The following SMC5 variants were observed in gnomAD, a reference collection of about 807,000 sequenced individuals.
The protein encoded by SMC5 is structural maintenance of chromosomes protein 5.
SMC5 carries 88 observed loss-of-function variants against 148.3 expected under a neutral mutation model. That is an observed-to-expected ratio of 0.59 (90% confidence interval 0.50 to 0.71). The LOEUF (loss-of-function observed/expected upper bound fraction) is 0.71, where lower values mean the gene tolerates loss of function less well. Among genes scored for constraint, SMC5 ranks in the 30% least tolerant of loss-of-function variants. The pLI, the probability that SMC5 is intolerant of heterozygous loss-of-function variation, is 0.00. For synonymous variants in SMC5, 421 were observed against 432.8 expected, an observed-to-expected ratio of 0.97 and a Z score of 0.34; for missense variants, 1,142 against 1,298.9, an observed-to-expected ratio of 0.88 and a Z score of 1.86.
chr9:70,259,329 G>A, intron 1 of SMC5, 66 bp downstream of exon 1: 2 of 1,470,648 alleles, frequency 1.4e-6, no homozygotes, highest in Non-Finnish European at 9.1e-7. Context: ...CGGGGCTCCG[G>A]CAGCGCGCGG....
rs1245214524 is a variant in SMC5, at chr9:70,271,247, TTATTA to T, written c.380+3276_380+3280del. Among the ~76,000 whole-genome samples the T allele has an allele frequency of 2.6e-5, 4 of 152,162 alleles. No individual in the cohort carries two copies. The East Asian group carries it at 5.8e-4, about 22-fold the overall frequency. The stretch of plus-strand genomic sequence containing the variant: ...TTCAAATTGAGCTGTGATAATTATC[TTATTA>T]TATAACTTTAAAAAAGTTAATTTTT... On this transcript the variant is annotated intron_variant, in intron 3 of 24. Coordinates refer to ENST00000361138, the MANE Select transcript of SMC5 (RefSeq NM_015110.4).
intron 11 of SMC5, among the ~76,000 whole-genome samples, chr9:70,307,596 A>T (rs548102806): frequency 6.6e-6 from 1 of 151,712 alleles, no homozygotes; most frequent in African/African-American, 2.4e-5. Context: ...TCCGCTTCCC[A>T]GGTTCAAGCA....
chr9:70,259,414 C>G, intron 1 of SMC5, 151 bp downstream of exon 1: 1 of 779,324 alleles, frequency 1.3e-6, no homozygotes, highest in Non-Finnish European at 2.0e-6. Flanking sequence ...TGAGGATTTT[C>G]CTACGTAGGC....
chr9:70,346,497 T>G, intron 18 of SMC5, 108 bp from the exon 19 acceptor site: 2 of 1,067,420 alleles, frequency 1.9e-6, no homozygotes, highest in Non-Finnish European at 1.4e-6. Flanking sequence ...GTCAAAGTAA[T>G]TAGATTCTCA....
chr9:70,305,186 A>G, intron 10 of SMC5, 61 bp from the exon 11 acceptor site: 1 of 717,384 alleles, frequency 1.4e-6, no homozygotes, highest in Non-Finnish European at 2.4e-6. Flanking sequence ...TTTAATATAA[A>G]CATGTTTTAA....
chr9:70,264,665 G>A (rs1014208492), intron 2 of SMC5, among the ~76,000 whole-genome samples: 2 of 152,150 alleles, frequency 1.3e-5, no homozygotes, highest in Non-Finnish European at 2.9e-5. Context: ...CACCTAAAAT[G>A]CTAGAAATAA....
intron 2 of SMC5, among the ~76,000 whole-genome samples, chr9:70,265,254 T>A (rs1194411328): frequency 6.6e-6 from 1 of 151,906 alleles, no homozygotes; most frequent in Non-Finnish European, 1.5e-5. Context: ...TGATCAGGAG[T>A]TCCAGACCAG....
At chr9:70,273,154 G>A (rs2034496404) in intron 3 of SMC5, among the ~76,000 whole-genome samples, 2 of 148,754 alleles carry the variant, frequency 1.3e-5, no homozygotes, top group South Asian at 4.2e-4. Flanking sequence ...AATCTGATGT[G>A]TGTTATAGGG....
rs1305150033 is a variant in SMC5, at chr9:70,286,229, A to T, written c.1011A>T (p.Lys337Asn). The change falls in exon 8 of 25, where the codon AAA (lysine) becomes AAT (asparagine). Residue 337 changes from lysine (K) to asparagine (N), a missense_variant. Lys to Asn is a moderately conservative substitution (Grantham distance 94). Around this residue, in one of 5 missense-constraint regions of SMC5, gnomAD observed 743 missense variants for 835.7 expected, o/e 0.89. Coordinates refer to ENST00000361138, the MANE Select transcript of SMC5 (RefSeq NM_015110.4). ...KATDIKEASQ[K>N]CKQKQDVIER... ...CAGATATTAAGGAGGCATCTCAAAA[A>T]TGCAAACAGAAGCAAGATGTTATAG... 4 of 1,606,104 alleles carry T rather than the reference A, an allele frequency of 2.5e-6. No individual in the cohort carries two copies. Among genetic ancestry groups the T allele is most frequent in the African/African-American group, 1.3e-5 (1 of 74,410 alleles).
Position 70,280,775 on chromosome 9 carries a change from A to C in SMC5, c.695A>C (p.Lys232Thr), listed in dbSNP as rs750984226. 6.2e-7 allele frequency: 1 copy of C among 1,612,648 alleles called. No individual in the cohort carries two copies. Among genetic ancestry groups the C allele is most frequent in the Non-Finnish European group, 8.5e-7 (1 of 1,179,644 alleles). The change falls in exon 6 of 25, where the codon AAA (lysine) becomes ACA (threonine). Residue 232 changes from lysine (K) to threonine (T), a missense_variant. Physicochemically the swap from Lys to Thr is moderately conservative, Grantham distance 78. Transcript: ENST00000361138. ...EKQLETSCKE[K>T]TEYLQKMVQR... ...TTATTGTAGACCTCATGCAAAGAGA[A>C]AACTGAGTATCTACAGAAAATGGTT... is the stretch of plus-strand genomic sequence containing the variant.
intron 1 of SMC5, among the ~76,000 whole-genome samples, chr9:70,262,180 A>G (rs1422086396): frequency 6.6e-6 from 1 of 152,162 alleles, no homozygotes; most frequent in Non-Finnish European, 1.5e-5. Flanking sequence ...AGTCAAATGG[A>G]GTTGGGAGTG....
At position 70,259,198 on chromosome 9, in the gene SMC5, G is replaced by C. The variant is rs532985681; in HGVS notation, c.120G>C (p.Pro40=). Residue 40 remains proline, a synonymous_variant, in exon 1 of 25, where the codon CCG becomes CCC. Transcript: ENST00000361138. ...SKRKNSAPQL[P]LLQSSGPFVE... is the part of the protein sequence containing the mutation. ...GGAAGAATTCGGCCCCGCAGCTGCCGCTGTTGCAGTCGTCCGGGCCTTTCG... is the reference window on the plus strand; with the variant it reads ...GGAAGAATTCGGCCCCGCAGCTGCCCCTGTTGCAGTCGTCCGGGCCTTTCG... 2 of 1,608,984 alleles carry C rather than the reference G, an allele frequency of 1.2e-6. No individual in the cohort carries two copies. The highest frequency in any genetic ancestry group is 1.1e-5 in the South Asian group (1 of 90,068).
intron 3 of SMC5, among the ~76,000 whole-genome samples, chr9:70,271,253 T>A (rs1333914025): frequency 6.6e-6 from 1 of 152,180 alleles, no homozygotes; most frequent in Non-Finnish European, 1.5e-5. Context: ...TATCTTATTA[T>A]ATAACTTTAA....
At position 70,300,151 on chromosome 9, in the gene SMC5, A is replaced by G. The variant is rs748761978; in HGVS notation, c.1415A>G (p.Asn472Ser). The stretch of plus-strand genomic sequence containing the variant: ...TATGATGCTGTTTTATGGCTAAGAA[A>G]TAACAGAGACAAATTTAAACAAAGA... ...DTYDAVLWLR[N>S]NRDKFKQRVC... is the part of the protein sequence containing the mutation. The change falls in exon 10 of 25, where the codon AAT (asparagine) becomes AGT (serine). Residue 472 changes from asparagine (N) to serine (S), a missense_variant. By Grantham distance (46) the Asn-to-Ser change is conservative. This residue lies in a region of SMC5 where 743 missense variants were observed against 835.7 expected (regional missense o/e 0.89). Transcript: ENST00000361138. 1.2e-6 allele frequency: 2 copies of G among 1,603,026 alleles called. No individual in the cohort carries two copies. Among genetic ancestry groups the G allele is most frequent in the African/African-American group, 1.3e-5 (1 of 74,296 alleles).
At chr9:70,269,253 G>A (rs184429555) in intron 3 of SMC5, among the ~76,000 whole-genome samples, 20 of 152,220 alleles carry the variant, frequency 1.3e-4, no homozygotes, top group African/African-American at 3.4e-4. Flanking sequence ...ATGGAGGTGC[G>A]TGATACGTTC....
chr9:70,284,422 T>C (rs1331295873), intron 7 of SMC5, among the ~76,000 whole-genome samples: 2 of 152,212 alleles, frequency 1.3e-5, no homozygotes, highest in East Asian at 3.8e-4. Flanking sequence ...CTCAAGGATA[T>C]GAAACTAATA....
intron 8 of SMC5, among the ~76,000 whole-genome samples, chr9:70,297,370 A>G (rs1354609619): frequency 1.3e-5 from 2 of 152,226 alleles, no homozygotes; most frequent in Non-Finnish European, 2.9e-5. Context: ...CTACTCATAA[A>G]CAATCATTTT....
At chr9:70,278,765 A>G in intron 5 of SMC5, 140 bp downstream of exon 5, 1 of 750,540 alleles carries the variant, frequency 1.3e-6, no homozygotes, top group African/African-American at 1.8e-5. Context: ...TACTGCTAAT[A>G]TCAGTTAAAG....
At chr9:70,328,496 AG>A (rs1323438016) in intron 17 of SMC5, among the ~76,000 whole-genome samples, 1 of 152,224 alleles carries the variant, frequency 6.6e-6, no homozygotes, top group African/African-American at 2.4e-5. Flanking sequence ...GCTCCCAAAA[AG>A]TCTTTGACTG....
Sources: allele counts gnomAD v4.1 joint callset (sites outside exome capture counted in the v4.1 genomes callset), GRCh38; gene constraint gnomAD v4.1.1; regional missense constraint gnomAD v4.1.1; transcripts MANE v1.5; gene names NCBI Gene and HGNC (gene_info 2026-07-23, HGNC 2026-07-21).